The following ZFP36L2 variants were observed in gnomAD, a reference collection of about 807,000 sequenced individuals.
ZFP36L2 encodes the protein mRNA decay activator protein ZFP36L2.
A neutral mutation model predicts 27.9 loss-of-function variants in ZFP36L2; 16 were observed. That is an observed-to-expected ratio of 0.57 (90% CI 0.39 to 0.87). The LOEUF (loss-of-function observed/expected upper bound fraction) is 0.87. ZFP36L2 is among the 40% of genes least tolerant of loss of function. The pLI is 0.00. For synonymous variants in ZFP36L2, 600 were observed against 363.8 expected (o/e 1.65, Z -7.39); for missense variants, 989 against 726.9 (o/e 1.36, Z -4.15).
Position 43,224,231 on chromosome 2 carries a change from C to T in ZFP36L2, c.*88G>A, listed in dbSNP as rs917136289. On this transcript the variant is annotated 3_prime_UTR_variant, in exon 2 of 2. Coordinates refer to ENST00000282388, the MANE Select transcript of ZFP36L2 (RefSeq NM_006887.5). ...GGGCCCATGTCACCCCCCCCACTCC[C>T]GTGCCCCCAGCAAGGGCGAGATGGC... 1 of 1,367,016 alleles carries T rather than the reference C, an allele frequency of 7.3e-7. No individual in the cohort carries two copies. The highest frequency in any genetic ancestry group is 9.6e-7 in the Non-Finnish European group (1 of 1,043,160). 84.7% of individuals were successfully genotyped at this position (1,367,016 alleles called of 1,614,324 possible). A position where few individuals can be genotyped will look rare whatever the true frequency, so the allele number is the denominator to read the frequency against.
chr2:43,226,367 C>A lies in ZFP36L2; in HGVS notation c.-52G>T, dbSNP rs765835005. On this transcript the variant is annotated 5_prime_UTR_variant, in exon 1 of 2. Transcript: ENST00000282388. ...CGGCAGGCCGGGAGGTCGGGAGGAG[C>A]CCTTGGGGCGGCGTGGCCGGGCTTG... The A allele has an allele frequency of 5.2e-6, 8 of 1,553,196 alleles. No homozygotes were observed. The highest frequency in any genetic ancestry group is 6.1e-6 in the Non-Finnish European group (7 of 1,147,552).
Position 43,225,378 on chromosome 2 carries a change from C to G in ZFP36L2, c.426G>C (p.Lys142Asn), listed in dbSNP as rs768779931. The G allele has an allele frequency of 4.3e-6, 7 of 1,613,700 alleles. No individual in the cohort carries two copies. Among genetic ancestry groups the G allele is most frequent in the Non-Finnish European group, 5.9e-6 (7 of 1,179,968 alleles). ...QHLLHLQQQQ[K>N]GGGGSQINST... ...AGTTGATCTGGGAGCCGCCGCCCCC[C>G]TTCTGCTGCTGCTGCAGGTGCAGGA... The change falls in exon 2 of 2, where the codon AAG (lysine) becomes AAC (asparagine). Residue 142 changes from lysine to asparagine, a missense_variant. By Grantham distance (94) the Lys-to-Asn change is moderately conservative. Coordinates refer to ENST00000282388, the MANE Select transcript of ZFP36L2 (RefSeq NM_006887.5).
rs1179551530 is a variant in ZFP36L2 at position 43,224,604 on chromosome 2, C to T, written c.1200G>A (p.Gln400=). The T allele has an allele frequency of 1.4e-6, 2 of 1,421,190 alleles. No individual in the cohort carries two copies. Among genetic ancestry groups the T allele is most frequent in the East Asian group, 3.0e-5 (1 of 33,620 alleles). 88.0% of individuals were successfully genotyped at this position (1,421,190 alleles called of 1,614,324 possible). A position where few individuals can be genotyped will look rare whatever the true frequency, so the allele number is the denominator to read the frequency against. The part of the protein sequence containing the change: ...AYYRSQQQQQ[Q]QGLAPPAQPP... The stretch of plus-strand genomic sequence containing the variant: ...GCTGCGCGGGGGGCGCCAGGCCCTG[C>T]TGCTGCTGCTGCTGCTGACTGCGGT... The change falls in exon 2 of 2, where the codon CAG becomes CAA. Residue 400 remains glutamine (Q), a synonymous_variant. Coordinates refer to ENST00000282388, the MANE Select transcript of ZFP36L2 (RefSeq NM_006887.5).
chr2:43,225,063 C>A lies in ZFP36L2; in HGVS notation c.741G>T (p.Pro247=). The change falls in exon 2 of 2, where the codon CCG becomes CCT. Residue 247 remains proline (P), a synonymous_variant. Coordinates refer to ENST00000282388, the MANE Select transcript of ZFP36L2 (RefSeq NM_006887.5). ...GGTGCAACTTGGGCCGCGGCTCCCG[C>A]GGGAAGCCCAGGTGCAACGCATCGC... ...GTRDALHLGF[P]REPRPKLHHS... 1 of 1,594,748 alleles carries A rather than the reference C, an allele frequency of 6.3e-7. No homozygotes were observed. The highest frequency in any genetic ancestry group is 8.5e-7 in the Non-Finnish European group (1 of 1,177,986).
At position 43,225,010 on chromosome 2, in the gene ZFP36L2, G is replaced by A. The variant is rs761876072; in HGVS notation, c.794C>T (p.Ser265Leu). The A allele has an allele frequency of 6.3e-6, 10 of 1,593,484 alleles. No homozygotes were observed. Among genetic ancestry groups the A allele is most frequent in the Non-Finnish European group, 1.7e-6 (2 of 1,178,140 alleles). ...GCCGCCCGGGGGCTGATGGTGGCCCGACGGGAAGCCCGAGAAGCTGAGGCT... is the reference window on the plus strand; with the variant it reads ...GCCGCCCGGGGGCTGATGGTGGCCCAACGGGAAGCCCGAGAAGCTGAGGCT... ...HHSLSFSGFP[S>L]GHHQPPGGLE... The change falls in exon 2 of 2, where the codon TCG (serine) becomes TTG (leucine). Residue 265 changes from serine to leucine, a missense_variant. Transcript: ENST00000282388.
chr2:43,223,735 C>G lies in ZFP36L2; in HGVS notation c.*584G>C, dbSNP rs1249593409. The stretch of plus-strand genomic sequence containing the variant: ...ACAAAAAACACCTATGGGCTGAGGG[C>G]TAACTATCAAGGCATATTCTTGGCA... On this transcript the variant is annotated 3_prime_UTR_variant, in exon 2 of 2. Coordinates refer to ENST00000282388, the MANE Select transcript of ZFP36L2 (RefSeq NM_006887.5). 1 of 137,922 alleles carries G rather than the reference C, an allele frequency of 7.3e-6. No homozygotes were observed. Among genetic ancestry groups the G allele is most frequent in the Non-Finnish European group, 1.7e-5 (1 of 59,842 alleles). The allele number at this position is 137,922 out of a possible 1,614,324, so 8.5% of individuals were successfully genotyped here.
chr2:43,225,834 G>GCC, intron 1 of ZFP36L2, 82 bp from the exon 2 acceptor site: 1 of 1,397,662 alleles, frequency 7.2e-7, no homozygotes, highest in Non-Finnish European at 9.6e-7. Flanking sequence ...GGAACTCCCA[G>GCC]CCTGATTCTT....
rs377227881 is a variant in ZFP36L2 at position 43,224,265 on chromosome 2, T to C, written c.*54A>G. 2.1e-6 allele frequency: 3 copies of C among 1,460,250 alleles called. No individual in the cohort carries two copies. The highest frequency in any genetic ancestry group is 9.0e-7 in the Non-Finnish European group (1 of 1,106,090). The allele number at this position is 1,460,250 out of a possible 1,614,324, so 90.5% of individuals were successfully genotyped here. A position where few individuals can be genotyped will look rare whatever the true frequency, so the allele number is the denominator to read the frequency against. ...AGCAAGGGCGAGATGGCGAGGGGTG[T>C]CCTCCAACATCTCTGAACCGCCTTC... On this transcript the variant is annotated 3_prime_UTR_variant, in exon 2 of 2. Transcript: ENST00000282388.
chr2:43,225,848 C>CT, intron 1 of ZFP36L2, 96 bp from the exon 2 acceptor site: 5 of 1,320,474 alleles, frequency 3.8e-6, no homozygotes, highest in African/African-American at 3.0e-5. Context: ...GATTCTTTTC[C>CT]TTTTTTTCCC....
chr2:43,224,496 G>A lies in ZFP36L2; in HGVS notation c.1308C>T (p.Arg436=), dbSNP rs774134773. 4.8e-5 allele frequency: 72 copies of A among 1,495,424 alleles called. No homozygotes were observed. In the African/African-American group the frequency reaches 9.6e-4, roughly 20 times the overall value. The allele number at this position is 1,495,424 out of a possible 1,614,324, so 92.6% of individuals were successfully genotyped here. The change falls in exon 2 of 2, where the codon CGC becomes CGT. Residue 436 remains arginine, a synonymous_variant. Transcript: ENST00000282388. ...SPPFSFQLPR[R]LSDSPVFDAP... ...CGTCGAACACGGGCGAGTCGGACAGGCGGCGCGGCAGCTGGAAGCTGAAGG... is the reference window on the plus strand; with the variant it reads ...CGTCGAACACGGGCGAGTCGGACAGACGGCGCGGCAGCTGGAAGCTGAAGG...
At position 43,224,272 on chromosome 2, in the gene ZFP36L2, A is replaced by G. The variant is rs1436962274; in HGVS notation, c.*47T>C. The G allele has an allele frequency of 3.4e-6, 5 of 1,480,306 alleles. No homozygotes were observed. The highest frequency in any genetic ancestry group is 2.7e-5 in the East Asian group (1 of 36,418). The allele number at this position is 1,480,306 out of a possible 1,614,324, so 91.7% of individuals were successfully genotyped here. On this transcript the variant is annotated 3_prime_UTR_variant, in exon 2 of 2. Coordinates refer to ENST00000282388, the MANE Select transcript of ZFP36L2 (RefSeq NM_006887.5). ...GCGAGATGGCGAGGGGTGTCCTCCAACATCTCTGAACCGCCTTCCCTTCCT... is the reference window on the plus strand; with the variant it reads ...GCGAGATGGCGAGGGGTGTCCTCCAGCATCTCTGAACCGCCTTCCCTTCCT...
Position 43,226,295 on chromosome 2 carries a change from G to C in ZFP36L2, c.21C>G (p.Ser7=). 1 of 1,588,874 alleles carries C rather than the reference G, an allele frequency of 6.3e-7. No individual in the cohort carries two copies. The highest frequency in any genetic ancestry group is 8.6e-7 in the Non-Finnish European group (1 of 1,166,796). ...ACAAGAAGTCGACATCGTAGAAGGCGGACAGAAGTGTGGTCGACATGTTTC... is the reference window on the plus strand; with the variant it reads ...ACAAGAAGTCGACATCGTAGAAGGCCGACAGAAGTGTGGTCGACATGTTTC... MSTTLL[S]AFYDVDFLCK... Residue 7 remains serine (S), a synonymous_variant, in exon 1 of 2, where the codon TCC becomes TCG. Transcript: ENST00000282388.
At position 43,226,529 on chromosome 2, in the gene ZFP36L2, G is replaced by C. The variant is rs901390171; in HGVS notation, c.-214C>G. On this transcript the variant is annotated 5_prime_UTR_variant, in exon 1 of 2. Transcript: ENST00000282388. ...GGCAGGGGGGAAGGAGAGAAGCGAG[G>C]AGCGCTCCTCCGCGCCCCGGGGTGC... 1.8e-6 allele frequency: 1 copy of C among 561,364 alleles called. No homozygotes were observed. Among genetic ancestry groups the C allele is most frequent in the African/African-American group, 2.0e-5 (1 of 49,260 alleles). The allele number at this position is 561,364 out of a possible 1,614,324, so 34.8% of individuals were successfully genotyped here.
intron 1 of ZFP36L2, 34 bp downstream of exon 1, chr2:43,226,231 G>GGCT (rs1278804844): frequency 6.4e-7 from 1 of 1,560,058 alleles, no homozygotes; most frequent in Non-Finnish European, 8.7e-7. Context: ...GAACTACAAC[G>GGCT]GCTGCTGCCG....
rs149290349 is a variant in ZFP36L2 at position 43,224,818 on chromosome 2, G to T, written c.986C>A (p.Ala329Asp). The change falls in exon 2 of 2, where the codon GCT becomes GAT. Residue 329 changes from alanine to aspartate, a missense_variant. Coordinates refer to ENST00000282388, the MANE Select transcript of ZFP36L2 (RefSeq NM_006887.5). ...PTCCASAAAA[A>D]AAALLYGTGG... ...GGTGCCGTACAGCAGAGCGGCCGCAGCCGCGGCCGCCGCGGAGGCGCAGCA... is the reference window on the plus strand; with the variant it reads ...GGTGCCGTACAGCAGAGCGGCCGCATCCGCGGCCGCCGCGGAGGCGCAGCA... 3.9e-5 allele frequency: 56 copies of T among 1,420,054 alleles called. No individual in the cohort carries two copies. Among genetic ancestry groups the T allele is most frequent in the Non-Finnish European group, 5.1e-5 (56 of 1,100,492 alleles). The allele number at this position is 1,420,054 out of a possible 1,614,324, so 88.0% of individuals were successfully genotyped here.
Position 43,224,678 on chromosome 2 carries a change from G to A in ZFP36L2, c.1126C>T (p.Leu376Phe), listed in dbSNP as rs1312215088. The A allele has an allele frequency of 5.8e-6, 9 of 1,539,994 alleles. No individual in the cohort carries two copies. The highest frequency in any genetic ancestry group is 3.5e-5 in the South Asian group (3 of 85,002). The change falls in exon 2 of 2, where the codon CTC becomes TTC. Residue 376 changes from leucine (L) to phenylalanine (F), a missense_variant. Physicochemically the swap from Leu to Phe is conservative, Grantham distance 22. Transcript: ENST00000282388. The stretch of plus-strand genomic sequence containing the variant: ...GCAAAGTTGTGGGTCTGGATGGCGA[G>A]CGGCGTGATGAGGCTGCTGAGCTCC... Reference protein sequence around the residue: ...GPELSSLITPLAIQTHNFAAV... With the variant: ...GPELSSLITPFAIQTHNFAAV...
chr2:43,224,368 G>C lies in ZFP36L2; in HGVS notation c.1436C>G (p.Pro479Arg). 1 of 1,560,750 alleles carries C rather than the reference G, an allele frequency of 6.4e-7. No homozygotes were observed. The highest frequency in any genetic ancestry group is 8.6e-7 in the Non-Finnish European group (1 of 1,159,358). The change falls in exon 2 of 2, where the codon CCT (proline) becomes CGT (arginine). Residue 479 changes from proline (P) to arginine (R), a missense_variant. Coordinates refer to ENST00000282388, the MANE Select transcript of ZFP36L2 (RefSeq NM_006887.5). ...LSGSESPSLD[P>R]GRRLPIFSRL... ...GCTGAAGATTGGCAGGCGGCGGCCAGGGTCGAGGCTGGGAGACTCAGAGCC... is the reference window on the plus strand; with the variant it reads ...GCTGAAGATTGGCAGGCGGCGGCCACGGTCGAGGCTGGGAGACTCAGAGCC...
rs569148453 is a variant in ZFP36L2, at chr2:43,224,046, T to G, written c.*273A>C. On this transcript the variant is annotated 3_prime_UTR_variant, in exon 2 of 2. Coordinates refer to ENST00000282388, the MANE Select transcript of ZFP36L2 (RefSeq NM_006887.5). ...CACAACTGCCCTGTTGTGAATATTT[T>G]GTTCAACAGAAAAAGTTCGACTTTT... is the stretch of plus-strand genomic sequence containing the variant. The G allele has an allele frequency of 2.8e-6, 1 of 361,456 alleles. No homozygotes were observed. Among genetic ancestry groups the G allele is most frequent in the Non-Finnish European group, 4.9e-6 (1 of 204,562 alleles). The allele number at this position is 361,456 out of a possible 1,614,324, so 22.4% of individuals were successfully genotyped here.
rs1307072196 is a variant in ZFP36L2, at chr2:43,224,717, A to AGGCGTT, written c.1081_1086dup (p.Asn361_Ala362dup). On this transcript the variant is annotated inframe_insertion, in exon 2 of 2. Coordinates refer to ENST00000282388, the MANE Select transcript of ZFP36L2 (RefSeq NM_006887.5). Reference sequence around the variant, plus strand: ...CTGCTGAGCTCCGGACCGAAGGCGAAGGCGTTGTTGGCGCACGAGGCCGAC... The same window carrying AGGCGTT: ...CTGCTGAGCTCCGGACCGAAGGCGAAGGCGTTGGCGTTGTTGGCGCACGAGGCCGAC... The AGGCGTT allele has an allele frequency of 7.2e-6, 11 of 1,531,690 alleles. No homozygotes were observed. The highest frequency in any genetic ancestry group is 2.4e-5 in the South Asian group (2 of 84,464). The allele number at this position is 1,531,690 out of a possible 1,614,324, so 94.9% of individuals were successfully genotyped here. A position where few individuals can be genotyped will look rare whatever the true frequency, so the allele number is the denominator to read the frequency against.
Sources: allele counts gnomAD v4.1 joint callset, GRCh38; gene constraint gnomAD v4.1.1; transcripts MANE v1.5; gene names NCBI Gene and HGNC (gene_info 2026-07-23, HGNC 2026-07-21).